The following PPP2R2C variants were observed in gnomAD, a reference collection of about 807,000 sequenced individuals.
The protein encoded by PPP2R2C is protein phosphatase 2 regulatory subunit Bgamma.
In PPP2R2C, 10 loss-of-function variants were observed where a neutral mutation model predicts 45.3. The observed-to-expected ratio is 0.22, with a 90% confidence interval of 0.14 to 0.37. PPP2R2C has a LOEUF of 0.37. Among genes scored for constraint, PPP2R2C ranks in the 10% least tolerant of loss-of-function variants. The pLI is 1.00. For synonymous variants in PPP2R2C, 257 were observed against 245.4 expected (o/e 1.05, Z -0.44); for missense variants, 308 against 619.7 (o/e 0.50, Z 5.34).
At chr4:6,501,872 C>T (rs1191382686) in intron 2 of PPP2R2C, among the ~76,000 whole-genome samples, 1 of 152,180 alleles carries the variant, frequency 6.6e-6, no homozygotes, top group Non-Finnish European at 1.5e-5. Context: ...GGAGAGAGAC[C>T]CAGTATCTTT....
chr4:6,368,847 C>T lies in PPP2R2C; in HGVS notation c.625+3676G>A, dbSNP rs945351585. Among the ~76,000 whole-genome samples, 5 of 152,168 alleles carry T rather than the reference C, an allele frequency of 3.3e-5. No homozygotes were observed. The highest frequency in any genetic ancestry group is 7.3e-5 in the Non-Finnish European group (5 of 68,044). ...ACCCACGACACACACCCACGACATA[C>T]ACACCTCCAAAGCTGGCTAGTGACA... On this transcript the variant is annotated intron_variant, in intron 5 of 8. Transcript: ENST00000382599. The surrounding 1 kb of genome is among the most constrained non-coding windows in gnomAD (Gnocchi z 4.2).
chr4:6,518,941 A>T (rs1032926992), intron 2 of PPP2R2C, among the ~76,000 whole-genome samples: 21 of 112,064 alleles, frequency 1.9e-4, no homozygotes, highest in Non-Finnish European at 3.6e-4. Context: ...AAAAAAAAAA[A>T]AAAAAAAAAA....
chr4:6,468,694 T>C (rs1721709048), intron 1 of PPP2R2C, among the ~76,000 whole-genome samples: 1 of 152,170 alleles, frequency 6.6e-6, no homozygotes, highest in South Asian at 2.1e-4. Flanking sequence ...CAGGGCAGGA[T>C]GTGCTTGGCA....
intron 1 of PPP2R2C, among the ~76,000 whole-genome samples, chr4:6,427,308 C>A (rs901202937): frequency 6.6e-6 from 1 of 152,218 alleles, no homozygotes; most frequent in Non-Finnish European, 1.5e-5. Context: ...AATGCTCAAA[C>A]GAGGACGTGG....
intron 1 of PPP2R2C, among the ~76,000 whole-genome samples, chr4:6,421,678 G>C (rs1013307732): frequency 6.6e-6 from 1 of 151,106 alleles, no homozygotes; most frequent in Non-Finnish European, 1.5e-5. Context: ...GAGAGGGCAC[G>C]TGGCATAGGA....
chr4:6,501,360 G>C (rs1346718501), intron 2 of PPP2R2C, among the ~76,000 whole-genome samples: 1 of 152,112 alleles, frequency 6.6e-6, no homozygotes, highest in Admixed American at 6.5e-5. Flanking sequence ...GGATGGAGCA[G>C]ATACCAAGAA....
At position 6,345,239 on chromosome 4, in the gene PPP2R2C, G is replaced by A. The variant is rs181240971; in HGVS notation, c.790+2607C>T. Among the ~76,000 whole-genome samples the A allele has an allele frequency of 1.0e-3, 158 of 152,210 alleles. No individual in the cohort carries two copies. The highest frequency in any genetic ancestry group is 1.6e-3 in the Admixed American group (25 of 15,284). On this transcript the variant is annotated intron_variant, in intron 6 of 8. Coordinates refer to ENST00000382599, the MANE Select transcript of PPP2R2C (RefSeq NM_020416.4). The surrounding 1 kb of genome is among the most constrained non-coding windows in gnomAD (Gnocchi z 5.3). ...TCCCCAATATTCTCCCATTCCATTC[G>A]GACCCAGACCTGGCTGTACACAGGC...
At chr4:6,433,462 C>T (rs867450316) in intron 1 of PPP2R2C, among the ~76,000 whole-genome samples, 11 of 152,110 alleles carry the variant, frequency 7.2e-5, no homozygotes, top group South Asian at 4.1e-4. Flanking sequence ...GAAACGGTGC[C>T]GCCAAGTTTT....
At chr4:6,470,963 C>CCGCGCT (rs1212242736) in intron 1 of PPP2R2C, among the ~76,000 whole-genome samples, 12 of 151,386 alleles carry the variant, frequency 7.9e-5, no homozygotes, top group East Asian at 3.9e-4. Flanking sequence ...CCGCCCGCGC[C>CCGCGCT]CGCGCTCGCG....
chr4:6,559,399 AC>A (rs1725505238), intron 1 of PPP2R2C, among the ~76,000 whole-genome samples: 4 of 59,524 alleles, frequency 6.7e-5, no homozygotes, highest in Non-Finnish European at 1.9e-4. Flanking sequence ...TACACAGCAC[AC>A]ACACACACAC....
intron 1 of PPP2R2C, among the ~76,000 whole-genome samples, chr4:6,443,765 C>T (rs1720273745): frequency 6.6e-6 from 1 of 151,958 alleles, no homozygotes; most frequent in African/African-American, 2.4e-5. Context: ...TGTATTCCCT[C>T]CCCACCCCAC....
At chr4:6,333,502 G>A in intron 7 of PPP2R2C, 60 bp downstream of exon 7, 1 of 1,567,950 alleles carries the variant, frequency 6.4e-7, no homozygotes, top group Non-Finnish European at 8.7e-7. Context: ...CCCCCTCCAT[G>A]GGGATCTCAG....
intron 2 of PPP2R2C, among the ~76,000 whole-genome samples, chr4:6,521,502 G>A (rs912249360): frequency 3.9e-5 from 6 of 152,226 alleles, no homozygotes; most frequent in African/African-American, 7.2e-5. Flanking sequence ...ACCCCACACA[G>A]TGGCTTCCTC....
intron 1 of PPP2R2C, among the ~76,000 whole-genome samples, chr4:6,411,710 A>G (rs559989997): frequency 2.0e-5 from 3 of 151,678 alleles, no homozygotes; most frequent in East Asian, 3.9e-4. Context: ...CCGCCACCAC[A>G]CCTGGCTAAT....
chr4:6,403,299 G>A (rs758194676), intron 1 of PPP2R2C, among the ~76,000 whole-genome samples: 104 of 152,248 alleles, frequency 6.8e-4, no homozygotes, highest in Non-Finnish European at 1.3e-3. Context: ...GAAATGCTGG[G>A]AGCGGAGCGG....
chr4:6,464,215 T>C (rs539294865), intron 1 of PPP2R2C, among the ~76,000 whole-genome samples: 1 of 152,334 alleles, frequency 6.6e-6, no homozygotes, highest in South Asian at 2.1e-4. Flanking sequence ...CAATAAATGG[T>C]GAATCATAAT....
chr4:6,478,250 A>G (rs1018835801), intron 2 of PPP2R2C, among the ~76,000 whole-genome samples: 1 of 152,202 alleles, frequency 6.6e-6, no homozygotes, highest in Non-Finnish European at 1.5e-5. Flanking sequence ...AGGGGAGGTC[A>G]TTAGTGCTGA....
chr4:6,458,968 G>C (rs1346717136), intron 1 of PPP2R2C, among the ~76,000 whole-genome samples: 1 of 152,212 alleles, frequency 6.6e-6, no homozygotes, highest in Non-Finnish European at 1.5e-5. Context: ...GAATCATGGA[G>C]AGAACAGAAC....
At chr4:6,513,486 C>T (rs921611754) in intron 2 of PPP2R2C, among the ~76,000 whole-genome samples, 4 of 152,148 alleles carry the variant, frequency 2.6e-5, no homozygotes, top group African/African-American at 9.7e-5. Context: ...AGAAAGGCTT[C>T]CCAGGAAACA....
Sources: gnomAD v4.1 joint callset for allele counts (sites outside exome capture counted in the v4.1 genomes callset) on GRCh38, gnomAD v4.1.1 for gene constraint, Gnocchi (gnomAD v3.1) non-coding constraint, MANE v1.5 for transcripts, NCBI Gene and HGNC (gene_info 2026-07-23, HGNC 2026-07-21) for gene names.